The following VGLL4 variants were observed in gnomAD, a reference collection of about 807,000 sequenced individuals.
VGLL4 encodes vestigial like family member 4.
Under a neutral mutation model 21.0 loss-of-function variants are expected in VGLL4, and 7 were observed. That is an observed-to-expected ratio of 0.33 (90% CI 0.19 to 0.63). The LOEUF (loss-of-function observed/expected upper bound fraction) is 0.63. Ranked by LOEUF, VGLL4 falls within the 20% of genes least tolerant of loss-of-function variation. The probability of loss-of-function intolerance (pLI) is 0.78; values close to 1 mark genes in which losing one functional copy is unlikely to be tolerated. For missense variants in VGLL4, 394 were observed against 425.7 expected, an observed-to-expected ratio of 0.93 and a Z score of 0.66; for synonymous variants, 222 against 173.2, an observed-to-expected ratio of 1.28 and a Z score of -2.21.
At chr3:11,571,837 T>G (rs926425853) in intron 2 of VGLL4, among the ~76,000 whole-genome samples, 14 of 152,198 alleles carry the variant, frequency 9.2e-5, no homozygotes, top group Non-Finnish European at 1.8e-4. Context: ...CCGGGCACAG[T>G]GGCTCACACC....
chr3:11,571,320 G>C (rs931757309), intron 2 of VGLL4, among the ~76,000 whole-genome samples: 2 of 152,066 alleles, frequency 1.3e-5, no homozygotes, highest in African/African-American at 4.8e-5. Context: ...AATGAAACCC[G>C]AGTGCGAATG....
At chr3:11,681,142 G>A (rs952485022) in intron 2 of VGLL4, among the ~76,000 whole-genome samples, 5 of 152,176 alleles carry the variant, frequency 3.3e-5, no homozygotes, top group Non-Finnish European at 7.3e-5. Flanking sequence ...CTGCCGCCCA[G>A]GCTGGAGTGC....
At chr3:11,713,864 T>C (rs1415460266) in intron 1 of VGLL4, among the ~76,000 whole-genome samples, 1 of 152,170 alleles carries the variant, frequency 6.6e-6, no homozygotes, top group East Asian at 1.9e-4. Context: ...GCTAACACTC[T>C]GGATGGAAAC....
chr3:11,587,421 C>T (rs914107655), intron 2 of VGLL4, among the ~76,000 whole-genome samples: 10 of 152,186 alleles, frequency 6.6e-5, no homozygotes, highest in African/African-American at 9.7e-5. Flanking sequence ...CAAAAGCCAA[C>T]GGCCTAAGAC....
intron 2 of VGLL4, among the ~76,000 whole-genome samples, chr3:11,654,261 G>T (rs376737392): frequency 6.6e-6 from 1 of 152,332 alleles, no homozygotes; most frequent in African/African-American, 2.4e-5. Context: ...TTTTCCTAGA[G>T]TTGAGGGGAT....
chr3:11,639,012 G>C (rs1481387415), intron 1 of VGLL4, among the ~76,000 whole-genome samples: 2 of 152,190 alleles, frequency 1.3e-5, no homozygotes, highest in African/African-American at 4.8e-5. Flanking sequence ...CTTAAGCTTT[G>C]AGAGGATCAC....
rs923336776 is a variant in VGLL4 at position 11,565,428 on chromosome 3, G to C, written c.273-409C>G. ...GTCACTGGCTGCGTCCTACATGCAG[G>C]GCCCTATTCAAAGCCTCCACAGCAC... On this transcript the variant is annotated intron_variant, in intron 2 of 4. Transcript: ENST00000430365. The surrounding 1 kb of genome is among the most constrained non-coding windows in gnomAD (Gnocchi z 4.1). 6.6e-6 allele frequency among the ~76,000 whole-genome samples: 1 copy of C among 152,106 alleles called. No individual in the cohort carries two copies. Among genetic ancestry groups the C allele is most frequent in the African/African-American group, 2.4e-5 (1 of 41,448 alleles).
intron 2 of VGLL4, among the ~76,000 whole-genome samples, chr3:11,666,321 G>C (rs1408934983): frequency 6.6e-6 from 1 of 152,014 alleles, no homozygotes; most frequent in Admixed American, 6.6e-5. Context: ...GGCAGGAGGA[G>C]GCCAGCGTGA....
chr3:11,656,157 T>C (rs1414891014), intron 2 of VGLL4, among the ~76,000 whole-genome samples: 1 of 152,196 alleles, frequency 6.6e-6, no homozygotes, highest in Non-Finnish European at 1.5e-5. Context: ...CAAAGGCTCA[T>C]GATCCCTAAG....
chr3:11,644,206 A>C (rs893796229), upstream of VGLL4, among the ~76,000 whole-genome samples: 2 of 152,208 alleles, frequency 1.3e-5, no homozygotes, highest in African/African-American at 4.8e-5. Flanking sequence ...CCATCATGGA[A>C]GCAAACTCCC....
chr3:11,711,970 T>C (rs575939915), intron 1 of VGLL4, among the ~76,000 whole-genome samples: 9 of 152,270 alleles, frequency 5.9e-5, no homozygotes, highest in Non-Finnish European at 1.2e-4. Context: ...ATCCTCCAGC[T>C]CTTTCTCCTC....
At position 11,719,459 on chromosome 3, in the gene VGLL4, C is replaced by T. The variant is rs1472233832; in HGVS notation, c.-14+935G>A. The T allele has an allele frequency of 6.6e-6, 1 of 151,472 alleles. No homozygotes were observed. The highest frequency in any genetic ancestry group is 1.5e-5 in the Non-Finnish European group (1 of 67,818). 9.4% of individuals were successfully genotyped at this position (151,472 alleles called of 1,614,324 possible). On this transcript the variant is annotated intron_variant, in intron 1 of 5. Transcript: ENST00000273038. The surrounding 1 kb of genome is among the most constrained non-coding windows in gnomAD (Gnocchi z 4.0). The stretch of plus-strand genomic sequence containing the variant: ...CGCGCCCGCCTGGGGCCGGCCTGGC[C>T]CTGCGGGGGACCCAGGGGCGGGGAC...
chr3:11,660,724 T>A (rs1033745636), intron 2 of VGLL4, among the ~76,000 whole-genome samples: 3 of 152,230 alleles, frequency 2.0e-5, no homozygotes, highest in Non-Finnish European at 4.4e-5. Flanking sequence ...GTTTCAAAGA[T>A]TATCTATTTG....
At chr3:11,665,736 G>A (rs558761484) in intron 2 of VGLL4, among the ~76,000 whole-genome samples, 4 of 152,364 alleles carry the variant, frequency 2.6e-5, no homozygotes, top group African/African-American at 9.6e-5. Flanking sequence ...GCCAGGCACT[G>A]TGCTAGGCAC....
chr3:11,663,772 AGGGT>A (rs1214041302), intron 2 of VGLL4, among the ~76,000 whole-genome samples: 1 of 152,168 alleles, frequency 6.6e-6, no homozygotes, highest in African/African-American at 2.4e-5. Context: ...TACACACTGA[AGGGT>A]TTGGACGGTT....
At chr3:11,721,769 T>A (rs1197736041), upstream of VGLL4, 1 of 152,224 alleles carries the variant, frequency 6.6e-6, no homozygotes, top group Non-Finnish European at 1.5e-5. Context: ...CGCCTCTATT[T>A]GTTATAGGAT....
At chr3:11,703,569 T>C (rs1216038114) in intron 1 of VGLL4, among the ~76,000 whole-genome samples, 3 of 152,240 alleles carry the variant, frequency 2.0e-5, no homozygotes, top group African/African-American at 4.8e-5. Flanking sequence ...GTATATTATA[T>C]AATCACCACC....
intron 3 of VGLL4, among the ~76,000 whole-genome samples, chr3:11,562,866 T>C (rs1000242181): frequency 6.6e-6 from 1 of 152,122 alleles, no homozygotes; most frequent in South Asian, 2.1e-4. Flanking sequence ...CATAAAGATA[T>C]AGCTGGGGGG....
At chr3:11,593,169 A>G (rs2074542303) in intron 2 of VGLL4, among the ~76,000 whole-genome samples, 1 of 152,154 alleles carries the variant, frequency 6.6e-6, no homozygotes, top group South Asian at 2.1e-4. Context: ...CTTCACTCTC[A>G]TGGAATTTGT....
Sources: gnomAD v4.1 joint callset for allele counts (sites outside exome capture counted in the v4.1 genomes callset) on GRCh38, gnomAD v4.1.1 for gene constraint, Gnocchi (gnomAD v3.1) non-coding constraint, MANE v1.5 for transcripts, NCBI Gene and HGNC (gene_info 2026-07-23, HGNC 2026-07-21) for gene names.